Variants in TMEM42 observed in about 807,000 individuals in gnomAD.
The protein encoded by TMEM42 is transmembrane protein 42.
In TMEM42, 8 loss-of-function variants were observed where a neutral mutation model predicts 14.0. That is an observed-to-expected ratio of 0.57 (90% CI 0.34 to 1.03). The LOEUF (loss-of-function observed/expected upper bound fraction) is 1.03, where lower values mean the gene tolerates loss of function less well. TMEM42 is among the 50% of genes least tolerant of loss of function. TMEM42 has a pLI of 0.03. For missense variants in TMEM42, 211 were observed against 219.8 expected, an observed-to-expected ratio of 0.96 and a Z score of 0.25; for synonymous variants, 115 against 94.3, an observed-to-expected ratio of 1.22 and a Z score of -1.27.
Position 44,862,007 on chromosome 3 carries a change from T to C in TMEM42, c.83T>C (p.Leu28Pro), listed in dbSNP as rs1699258606. Residue 28 changes from leucine to proline, a missense_variant, in exon 1 of 3, where the codon CTC becomes CCC. Transcript: ENST00000302392. Reference sequence around the variant, plus strand: ...ACCCCCGCGGAATTCCCTCCGCACCTCCAGGCGGGTGCGATGCGGCGCCGC... The same window carrying C: ...ACCCCCGCGGAATTCCCTCCGCACCCCCAGGCGGGTGCGATGCGGCGCCGC... Reference protein sequence around the residue: ...PDTPAEFPPHLQAGAMRRRFW... With the variant: ...PDTPAEFPPHPQAGAMRRRFW... 7.3e-7 allele frequency: 1 copy of C among 1,379,218 alleles called. No homozygotes were observed. 85.4% of individuals were successfully genotyped at this position (1,379,218 alleles called of 1,614,324 possible).
rs1418777705 is a variant in TMEM42 at position 44,861,936 on chromosome 3, GCCGGGGCCT to G, written c.18_26del (p.Pro7_Gly9del). ...TGTCAGCAGGCAACATGGCCGAGAG[GCCGGGGCCT>G]CCGGGCGGCGCCGTGTCCGCGACCG... On this transcript the variant is annotated inframe_deletion, in exon 1 of 3. Transcript: ENST00000302392. 1 of 1,427,090 alleles carries G rather than the reference GCCGGGGCCT, an allele frequency of 7.0e-7. No individual in the cohort carries two copies. Among genetic ancestry groups the G allele is most frequent in the Non-Finnish European group, 9.1e-7 (1 of 1,093,874 alleles). 88.4% of individuals were successfully genotyped at this position (1,427,090 alleles called of 1,614,324 possible).
Position 44,864,216 on chromosome 3 carries a change from T to A in TMEM42, c.212T>A (p.Val71Asp). The A allele has an allele frequency of 6.2e-7, 1 of 1,614,098 alleles. No individual in the cohort carries two copies. Among genetic ancestry groups the A allele is most frequent in the Non-Finnish European group, 8.5e-7 (1 of 1,180,022 alleles). ...FGSEVSMGLC[V>D]LGIIVMASTN... The stretch of plus-strand genomic sequence containing the variant: ...CTGCAGGTGAGCATGGGTTTATGCG[T>A]CTTAGGCATTATTGTGATGGCGAGC... The change falls in exon 2 of 3, where the codon GTC (valine) becomes GAC (aspartate). Residue 71 changes from valine to aspartate, a missense_variant. Physicochemically the swap from Val to Asp is radical, Grantham distance 152 (BLOSUM62 -3). Transcript: ENST00000302392.
intron 1 of TMEM42, 75 bp downstream of exon 1, chr3:44,862,191 TGCGGGGCCC>T (rs1699263672): frequency 5.1e-6 from 1 of 196,174 alleles, no homozygotes; most frequent in Non-Finnish European, 7.1e-6. Context: ...GGAGGGGCGC[TGCGGGGCCC>T]GCGGGGCTCT....
chr3:44,864,330 A>G lies in TMEM42; in HGVS notation c.326A>G (p.Asn109Ser). 6 of 1,614,122 alleles carry G rather than the reference A, an allele frequency of 3.7e-6. No homozygotes were observed. The highest frequency in any genetic ancestry group is 5.1e-6 in the Non-Finnish European group (6 of 1,180,034). ...GCATCTGTCACAGTGACTTTTTCAA[A>G]TATCCTCAGCTCGGTGAGTAGCCTG... ...AIASVTVTFS[N>S]ILSSAFLGYV... Residue 109 changes from asparagine (N) to serine (S), a missense_variant, in exon 2 of 3, where the codon AAT becomes AGT. Coordinates refer to ENST00000302392, the MANE Select transcript of TMEM42 (RefSeq NM_144638.3).
At chr3:44,862,141 C>G (rs1699262274) in intron 1 of TMEM42, 25 bp downstream of exon 1, 1 of 244,314 alleles carries the variant, frequency 4.1e-6, no homozygotes, top group East Asian at 2.0e-4. Flanking sequence ...GCTGTTGGTG[C>G]TGCTGCTGCG....
In TMEM42 at chr3:44,862,041, C is replaced by T; in HGVS notation, c.117C>T (p.Gly39=). The T allele has an allele frequency of 7.3e-7, 1 of 1,370,846 alleles. No individual in the cohort carries two copies. Among genetic ancestry groups the T allele is most frequent in the South Asian group, 1.8e-5 (1 of 55,324 alleles). 84.9% of individuals were successfully genotyped at this position (1,370,846 alleles called of 1,614,324 possible). A position where few individuals can be genotyped will look rare whatever the true frequency, so the allele number is the denominator to read the frequency against. Residue 39 remains glycine, a synonymous_variant, in exon 1 of 3, where the codon GGC becomes GGT. Coordinates refer to ENST00000302392, the MANE Select transcript of TMEM42 (RefSeq NM_144638.3). ...QAGAMRRRFW[G]VFNCLCAGAF... is the part of the protein sequence containing the mutation. ...GTGCGATGCGGCGCCGCTTTTGGGG[C>T]GTATTCAACTGTCTGTGCGCCGGCG...
At chr3:44,864,023 G>A (rs1339182676) in intron 1 of TMEM42, 174 bp from the exon 2 acceptor site, 7 of 643,964 alleles carry the variant, frequency 1.1e-5, no homozygotes, top group Middle Eastern at 4.4e-4. Flanking sequence ...TGGGTCTGCT[G>A]CCCACTGAGG....
In TMEM42 at chr3:44,861,929, C is replaced by T. The variant is rs1699255335; in HGVS notation, c.5C>T (p.Ala2Val). The change falls in exon 1 of 3, where the codon GCC becomes GTC. Residue 2 changes from alanine to valine, a missense_variant. Ala to Val is a moderately conservative substitution (Grantham distance 64). Transcript: ENST00000302392. M[A>V]ERPGPPGGAV... is the part of the protein sequence containing the mutation. ...GGCACGGTGTCAGCAGGCAACATGG[C>T]CGAGAGGCCGGGGCCTCCGGGCGGC... The T allele has an allele frequency of 6.9e-7, 1 of 1,443,836 alleles. No individual in the cohort carries two copies. Among genetic ancestry groups the T allele is most frequent in the Non-Finnish European group, 9.1e-7 (1 of 1,102,422 alleles). 89.4% of individuals were successfully genotyped at this position (1,443,836 alleles called of 1,614,324 possible). A position where few individuals can be genotyped will look rare whatever the true frequency, so the allele number is the denominator to read the frequency against.
At position 44,865,403 on chromosome 3, in the gene TMEM42, T is replaced by C; in HGVS notation, c.*223T>C. ...TGATCATCTGTACAGTGCTTTGGAT[T>C]CTTCCTCCCAGGCCTACCCCAGTGA... On this transcript the variant is annotated 3_prime_UTR_variant, in exon 3 of 3. Transcript: ENST00000302392. 1 of 571,874 alleles carries C rather than the reference T, an allele frequency of 1.7e-6. No individual in the cohort carries two copies. Among genetic ancestry groups the C allele is most frequent in the Admixed American group, 3.0e-5 (1 of 33,092 alleles). 35.4% of individuals were successfully genotyped at this position (571,874 alleles called of 1,614,324 possible). A position where few individuals can be genotyped will look rare whatever the true frequency, so the allele number is the denominator to read the frequency against.
intron 1 of TMEM42, 74 bp from the exon 2 acceptor site, chr3:44,864,123 C>T: frequency 2.5e-6 from 4 of 1,596,386 alleles, no homozygotes; most frequent in Non-Finnish European, 2.6e-6. Context: ...AACCACAGTC[C>T]TGGGTGTGCT....
Position 44,865,018 on chromosome 3 carries a change from C to T in TMEM42, c.340-22C>T, listed in dbSNP as rs185715755. On this transcript the variant is annotated intron_variant, in intron 2 of 2. Transcript: ENST00000302392. Reference sequence around the variant, plus strand: ...GCCCACCTGCTGAAGTTGAGTCCCTCACAGCTATCTTTGTCTCGCAGGCCT... The same window carrying T: ...GCCCACCTGCTGAAGTTGAGTCCCTTACAGCTATCTTTGTCTCGCAGGCCT... 9.7e-5 allele frequency: 157 copies of T among 1,613,470 alleles called. 1 individual carries two copies. The South Asian group carries it at 1.4e-3, about 14-fold the overall frequency.
Position 44,865,045 on chromosome 3 carries a change from C to G in TMEM42, c.345C>G (p.Phe115Leu). 1 of 1,614,080 alleles carries G rather than the reference C, an allele frequency of 6.2e-7. No homozygotes were observed. The highest frequency in any genetic ancestry group is 8.5e-7 in the Non-Finnish European group (1 of 1,179,964). The change falls in exon 3 of 3, where the codon TTC becomes TTG. Residue 115 changes from phenylalanine to leucine, a missense_variant. Coordinates refer to ENST00000302392, the MANE Select transcript of TMEM42 (RefSeq NM_144638.3). ...CAGCTATCTTTGTCTCGCAGGCCTT[C>G]CTGGGCTATGTGCTGTATGGAGAGT... ...VTFSNILSSA[F>L]LGYVLYGECQ...
At chr3:44,864,072 C>T (rs1157425248) in intron 1 of TMEM42, 125 bp from the exon 2 acceptor site, 2 of 1,190,424 alleles carry the variant, frequency 1.7e-6, no homozygotes, top group East Asian at 4.7e-5. Context: ...CTGAGGCCCT[C>T]TGAGCTGTAG....
At chr3:44,864,423 C>G in intron 2 of TMEM42, 80 bp downstream of exon 2, 1 of 1,570,694 alleles carries the variant, frequency 6.4e-7, no homozygotes, top group Non-Finnish European at 8.7e-7. Context: ...CCTCCTTTCC[C>G]AGACAGGAGA....
rs2125740752 is a variant in TMEM42 at position 44,865,464 on chromosome 3, G to T, written c.*284G>T. On this transcript the variant is annotated 3_prime_UTR_variant, in exon 3 of 3. Coordinates refer to ENST00000302392, the MANE Select transcript of TMEM42 (RefSeq NM_144638.3). ...ATGCTGGAGATCCTGGGGTTGGTCT[G>T]CTTTGTGTATGGTACTTGAAACCAC... The T allele has an allele frequency of 2.3e-6, 1 of 432,988 alleles. No individual in the cohort carries two copies. Among genetic ancestry groups the T allele is most frequent in the Admixed American group, 3.3e-5 (1 of 30,394 alleles). The allele number at this position is 432,988 out of a possible 1,614,324, so 26.8% of individuals were successfully genotyped here. A position where few individuals can be genotyped will look rare whatever the true frequency, so the allele number is the denominator to read the frequency against.
At position 44,865,263 on chromosome 3, in the gene TMEM42, C is replaced by G; in HGVS notation, c.*83C>G. 6.4e-7 allele frequency: 1 copy of G among 1,566,998 alleles called. No individual in the cohort carries two copies. Among genetic ancestry groups the G allele is most frequent in the Non-Finnish European group, 8.7e-7 (1 of 1,143,618 alleles). On this transcript the variant is annotated 3_prime_UTR_variant, in exon 3 of 3. Transcript: ENST00000302392. ...TGTCATGTGGGACTGTATCCTAGGG[C>G]GATCCAGTTGTGCAGCCTTCTGACC...
Position 44,865,131 on chromosome 3 carries a change from A to G in TMEM42, c.431A>G (p.His144Arg), listed in dbSNP as rs769847857. ...ATTCTCTGCGGACTCACCCTAATCC[A>G]CAGGAAGCTCCCACCCACCTGGAAG... Reference protein sequence around the residue: ...FLILCGLTLIHRKLPPTWKPL... With the variant: ...FLILCGLTLIRRKLPPTWKPL... Residue 144 changes from histidine to arginine, a missense_variant, in exon 3 of 3, where the codon CAC (histidine) becomes CGC (arginine). His to Arg is a conservative substitution (Grantham distance 29). Coordinates refer to ENST00000302392, the MANE Select transcript of TMEM42 (RefSeq NM_144638.3). The G allele has an allele frequency of 2.5e-6, 4 of 1,614,002 alleles. No individual in the cohort carries two copies. The African/African-American group carries it at 5.3e-5, about 22-fold the overall frequency.
At position 44,865,023 on chromosome 3, in the gene TMEM42, C is replaced by T. The variant is rs777681720; in HGVS notation, c.340-17C>T. 1.2e-6 allele frequency: 2 copies of T among 1,613,816 alleles called. No individual in the cohort carries two copies. Among genetic ancestry groups the T allele is most frequent in the Non-Finnish European group, 1.7e-6 (2 of 1,179,750 alleles). ...CCTGCTGAAGTTGAGTCCCTCACAG[C>T]TATCTTTGTCTCGCAGGCCTTCCTG... On this transcript the variant is annotated splice_polypyrimidine_tract_variant and intron_variant, in intron 2 of 2. Coordinates refer to ENST00000302392, the MANE Select transcript of TMEM42 (RefSeq NM_144638.3).
At chr3:44,864,064 G>A (rs975632486) in intron 1 of TMEM42, 133 bp from the exon 2 acceptor site, 1 of 1,035,372 alleles carries the variant, frequency 9.7e-7, no homozygotes, top group Non-Finnish European at 1.4e-6. Flanking sequence ...GGAAAGCTCT[G>A]AGGCCCTCTG....
Sources: allele counts gnomAD v4.1 joint callset, GRCh38; gene constraint gnomAD v4.1.1; transcripts MANE v1.5; gene names NCBI Gene and HGNC (gene_info 2026-07-23, HGNC 2026-07-21).